Variants in DAB2IP observed in about 807,000 individuals in gnomAD.
DAB2IP encodes the protein DAB2 interacting protein, also known as disabled homolog 2-interacting protein.
In DAB2IP, 28 loss-of-function variants were observed where a neutral mutation model predicts 107.2. The ratio of observed to expected loss-of-function variants is 0.26; its 90% CI spans 0.19 to 0.36. DAB2IP has a LOEUF of 0.36. Ranked by LOEUF, DAB2IP falls within the 10% of genes least tolerant of loss-of-function variation. The pLI is 1.00. For missense variants in DAB2IP, 1,400 were observed against 1,644.7 expected (o/e 0.85, Z 2.57); for synonymous variants, 755 against 706.4 (o/e 1.07, Z -1.09).
chr9:121,748,450 T>C (rs1832870811), intron 3 of DAB2IP, among the ~76,000 whole-genome samples: 2 of 152,234 alleles, frequency 1.3e-5, no homozygotes, highest in African/African-American at 4.8e-5. Flanking sequence ...ACTCCCTGTC[T>C]CTAAGCCTCA....
In DAB2IP at chr9:121,567,218, C is replaced by T. The variant is rs747154084; in HGVS notation, c.30C>T (p.Asp10=). Residue 10 remains aspartate (D), a synonymous_variant, in exon 1 of 17, where the codon GAC becomes GAT. Transcript: ENST00000259371. ...AGCCCGACTCCCTTCTGGACCAAGA[C>T]GACTCCTACGGTAAGACGGTGCCAG... 2.3e-5 allele frequency: 37 copies of T among 1,613,924 alleles called. No individual in the cohort carries two copies. In the Admixed American group the frequency reaches 3.5e-4, roughly 15 times the overall value.
chr9:121,718,929 T>G (rs1830766077), intron 3 of DAB2IP, among the ~76,000 whole-genome samples: 1 of 152,230 alleles, frequency 6.6e-6, no homozygotes, highest in Admixed American at 6.5e-5. Flanking sequence ...GCCTTCACTT[T>G]GCTCCTCATT....
chr9:121,768,747 G>T, intron 10 of DAB2IP, 114 bp downstream of exon 10: 2 of 1,317,226 alleles, frequency 1.5e-6, no homozygotes, highest in Non-Finnish European at 2.1e-6. Flanking sequence ...GCATGATCAG[G>T]CCAGGTCCTG....
intron 3 of DAB2IP, among the ~76,000 whole-genome samples, chr9:121,711,766 G>C (rs74514593): frequency 6.6e-6 from 1 of 152,188 alleles, no homozygotes; most frequent in Non-Finnish European, 1.5e-5. Flanking sequence ...CAGCTCTCCT[G>C]TGTGTGGGAT....
intron 13 of DAB2IP, 135 bp downstream of exon 13, chr9:121,774,547 T>C: frequency 8.7e-6 from 9 of 1,039,896 alleles, no homozygotes; most frequent in Non-Finnish European, 1.2e-5. Flanking sequence ...TGAGCCCCTG[T>C]TCCCTGTGAG....
At chr9:121,646,894 A>G (rs1437524378), upstream of DAB2IP, among the ~76,000 whole-genome samples, 6 of 152,146 alleles carry the variant, frequency 3.9e-5, no homozygotes, top group South Asian at 1.2e-3. Context: ...CTGTGACTTT[A>G]GGGAACTCAC....
At chr9:121,755,555 G>A (rs1376600233) in intron 3 of DAB2IP, among the ~76,000 whole-genome samples, 2 of 152,206 alleles carry the variant, frequency 1.3e-5, no homozygotes, top group Non-Finnish European at 2.9e-5. Flanking sequence ...TCTAAGGGTT[G>A]GGATTCCCTC....
At chr9:121,594,747 C>T (rs983031263) in intron 1 of DAB2IP, among the ~76,000 whole-genome samples, 4 of 152,188 alleles carry the variant, frequency 2.6e-5, no homozygotes, top group Admixed American at 6.6e-5. Flanking sequence ...CCTGGAAGAG[C>T]TCACAGTCTG....
At chr9:121,764,198 G>A (rs1425277046) in intron 8 of DAB2IP, among the ~76,000 whole-genome samples, 1 of 152,244 alleles carries the variant, frequency 6.6e-6, no homozygotes, top group Non-Finnish European at 1.5e-5. Flanking sequence ...CCCACTTGGG[G>A]TGGGCGGATG....
intron 1 of DAB2IP, among the ~76,000 whole-genome samples, chr9:121,610,196 A>T (rs760158711): frequency 6.6e-6 from 1 of 152,146 alleles, no homozygotes; most frequent in Non-Finnish European, 1.5e-5. Flanking sequence ...GCTTCCCAGG[A>T]TAGTGGCTCT....
At chr9:121,721,626 GT>G (rs1564178921) in intron 3 of DAB2IP, among the ~76,000 whole-genome samples, 1 of 152,190 alleles carries the variant, frequency 6.6e-6, no homozygotes, top group African/African-American at 2.4e-5. Flanking sequence ...AAATCTAGAG[GT>G]TTTTTTGTGA....
At chr9:121,727,611 C>T (rs1831302179) in intron 3 of DAB2IP, among the ~76,000 whole-genome samples, 1 of 152,194 alleles carries the variant, frequency 6.6e-6, no homozygotes, top group Non-Finnish European at 1.5e-5. Context: ...ACTGGGCCCT[C>T]CTCTCCACCA....
intron 1 of DAB2IP, among the ~76,000 whole-genome samples, chr9:121,578,559 G>A (rs1396646156): frequency 1.3e-5 from 2 of 151,586 alleles, no homozygotes; most frequent in Non-Finnish European, 2.9e-5. Context: ...CAATTCCCCA[G>A]CTGAGGCCAA....
intron 1 of DAB2IP, among the ~76,000 whole-genome samples, chr9:121,676,672 C>G (rs891977421): frequency 1.3e-5 from 2 of 152,208 alleles, no homozygotes; most frequent in African/African-American, 2.4e-5. Flanking sequence ...CACGCACACA[C>G]ACTGCAAATG....
chr9:121,729,159 C>T (rs565463115), intron 3 of DAB2IP, among the ~76,000 whole-genome samples: 1 of 152,246 alleles, frequency 6.6e-6, no homozygotes, highest in Non-Finnish European at 1.5e-5. Context: ...CTCCTGTGTA[C>T]AGAGGATGAA....
intron 1 of DAB2IP, among the ~76,000 whole-genome samples, chr9:121,590,222 C>T (rs544680263): frequency 1.0e-4 from 15 of 150,408 alleles, no homozygotes; most frequent in Non-Finnish European, 2.1e-4. Context: ...ACTACTTATG[C>T]TCCGTGACCG....
At chr9:121,780,658 A>T (rs1007629832) in intron 14 of DAB2IP, among the ~76,000 whole-genome samples, 1 of 151,982 alleles carries the variant, frequency 6.6e-6, no homozygotes, top group Non-Finnish European at 1.5e-5. Flanking sequence ...AGACCCAGAG[A>T]GTGTGGGGTC....
At chr9:121,721,373 A>C (rs1033855410) in intron 3 of DAB2IP, among the ~76,000 whole-genome samples, 1 of 152,166 alleles carries the variant, frequency 6.6e-6, no homozygotes, top group African/African-American at 2.4e-5. Flanking sequence ...AGGGCTGTGT[A>C]TTTATTCCTT....
chr9:121,596,056 C>T (rs1236674022), intron 1 of DAB2IP, among the ~76,000 whole-genome samples: 1 of 151,996 alleles, frequency 6.6e-6, no homozygotes, highest in Non-Finnish European at 1.5e-5. Flanking sequence ...CGCGGTGGCT[C>T]ATGCCTGTAA....
Sources: allele counts gnomAD v4.1 joint callset (sites outside exome capture counted in the v4.1 genomes callset), GRCh38; gene constraint gnomAD v4.1.1; transcripts MANE v1.5; gene names NCBI Gene and HGNC (gene_info 2026-07-23, HGNC 2026-07-21).